The following TANC2 variants were observed in gnomAD, a reference collection of about 807,000 sequenced individuals.
The protein encoded by TANC2 is tetratricopeptide repeat, ankyrin repeat and coiled-coil containing 2.
A neutral mutation model predicts 210.5 loss-of-function variants in TANC2; 26 were observed. The ratio of observed to expected loss-of-function variants is 0.12; its 90% confidence interval spans 0.09 to 0.17. The LOEUF (loss-of-function observed/expected upper bound fraction) is 0.17, where lower values mean the gene tolerates loss of function less well. Ranked by LOEUF, TANC2 falls within the 10% of genes least tolerant of loss-of-function variation. The pLI is 1.00. For missense variants in TANC2, 2,129 were observed against 2,608.9 expected (o/e 0.82, Z 4.01); for synonymous variants, 931 against 967.1 (o/e 0.96, Z 0.69).
At chr17:63,055,965 CAAAAAAAAAAAAA>C (rs869063496) in intron 2 of TANC2, among the ~76,000 whole-genome samples, 38 of 52,594 alleles carry the variant, frequency 7.2e-4, no homozygotes, top group African/African-American at 1.5e-3. Flanking sequence ...TCATCTCTAC[CAAAAAAAAAAAAA>C]AAAAAAAAAA....
chr17:63,245,941 C>T (rs891184139), intron 8 of TANC2, among the ~76,000 whole-genome samples: 2 of 149,322 alleles, frequency 1.3e-5, no homozygotes, highest in African/African-American at 2.5e-5. Flanking sequence ...ACCTGGGAGG[C>T]GGAGGTTGCA....
At chr17:63,065,477 G>A (rs1246294896) in intron 2 of TANC2, among the ~76,000 whole-genome samples, 1 of 152,124 alleles carries the variant, frequency 6.6e-6, no homozygotes, top group Non-Finnish European at 1.5e-5. Context: ...AAATTTTTAA[G>A]GAACCTCCAT....
At chr17:63,300,881 T>G (rs1441985969) in intron 9 of TANC2, among the ~76,000 whole-genome samples, 4 of 152,220 alleles carry the variant, frequency 2.6e-5, no homozygotes, top group Non-Finnish European at 5.9e-5. Context: ...TGCTTCCAGC[T>G]TTTGCCCATT....
At chr17:63,108,588 G>C (rs978786554) in intron 4 of TANC2, among the ~76,000 whole-genome samples, 1 of 151,700 alleles carries the variant, frequency 6.6e-6, no homozygotes, top group Non-Finnish European at 1.5e-5. Flanking sequence ...GAGGCGGGCA[G>C]ATCAGAGGCC....
intron 7 of TANC2, among the ~76,000 whole-genome samples, chr17:63,215,019 T>G (rs965177166): frequency 6.6e-6 from 1 of 152,200 alleles, no homozygotes; most frequent in Non-Finnish European, 1.5e-5. Flanking sequence ...CATGTAGTCC[T>G]AGAGACCATA....
chr17:63,092,834 A>T (rs1261066938), intron 3 of TANC2, among the ~76,000 whole-genome samples: 3 of 152,144 alleles, frequency 2.0e-5, no homozygotes, highest in Admixed American at 2.0e-4. Flanking sequence ...TTACAGTTCA[A>T]CATGAGATAG....
At chr17:63,398,729 G>C in intron 18 of TANC2, 92 bp from the exon 19 acceptor site, 1 of 787,044 alleles carries the variant, frequency 1.3e-6, no homozygotes, top group East Asian at 2.8e-5. Flanking sequence ...AGTGATACTT[G>C]GATCATCCAA....
In TANC2 at chr17:63,358,958, C is replaced by T. The variant is rs141014951; in HGVS notation, c.2582+3568C>T. On this transcript the variant is annotated intron_variant, in intron 14 of 27. Transcript: ENST00000689528. ...TATCTAACTTTCCCTTCCATAGGAA[C>T]GGCTCTCAGATTAATATTTGTGTGT... 9.6e-4 allele frequency among the ~76,000 whole-genome samples: 137 copies of T among 142,426 alleles called. 1 individual carries two copies. The highest frequency in any genetic ancestry group is 1.6e-3 in the Non-Finnish European group (109 of 66,344). The allele number at this position is 142,426 out of a possible 152,430, so 93.4% of individuals were successfully genotyped here. A position where few individuals can be genotyped will look rare whatever the true frequency, so the allele number is the denominator to read the frequency against.
At chr17:63,340,460 A>AG (rs3833118) in intron 12 of TANC2, 128 bp downstream of exon 12, 248,084 of 729,964 alleles carry the variant, frequency 0.34, 50,897 homozygotes, top group African/African-American at 0.78. Flanking sequence ...GATATCCTGT[A>AG]GGATACAGTT....
At chr17:63,276,049 T>A (rs928088482) in intron 9 of TANC2, among the ~76,000 whole-genome samples, 1 of 152,160 alleles carries the variant, frequency 6.6e-6, no homozygotes, top group Non-Finnish European at 1.5e-5. Context: ...ATAAATTTAC[T>A]TAGATAAGAC....
chr17:63,258,540 T>C (rs1179297540), intron 8 of TANC2, among the ~76,000 whole-genome samples: 1 of 151,738 alleles, frequency 6.6e-6, no homozygotes, highest in Non-Finnish European at 1.5e-5. Flanking sequence ...ACTAGTGCAG[T>C]GGAGCGGGCA....
intron 2 of TANC2, among the ~76,000 whole-genome samples, chr17:63,019,609 G>A (rs1165026328): frequency 6.6e-6 from 1 of 152,108 alleles, no homozygotes; most frequent in Non-Finnish European, 1.5e-5. Flanking sequence ...ATTGAGTATA[G>A]GTGTGGTTTT....
At chr17:63,000,856 A>C (rs1050025153) in intron 1 of TANC2, among the ~76,000 whole-genome samples, 1 of 151,634 alleles carries the variant, frequency 6.6e-6, no homozygotes, top group African/African-American at 2.4e-5. Flanking sequence ...TCAGTTTTCT[A>C]TTGGTATGTT....
intron 12 of TANC2, among the ~76,000 whole-genome samples, chr17:63,346,108 A>G (rs1265880317): frequency 6.6e-6 from 1 of 152,198 alleles, no homozygotes; most frequent in Admixed American, 6.5e-5. Context: ...ACTTCACACT[A>G]TACACCAAAA....
chr17:63,136,826 C>T (rs1035592365), intron 4 of TANC2, among the ~76,000 whole-genome samples: 2 of 152,106 alleles, frequency 1.3e-5, no homozygotes, highest in African/African-American at 2.4e-5. Context: ...CTTTCTGACA[C>T]AAGGTATTCT....
chr17:63,060,532 A>G lies in TANC2; in HGVS notation c.68-13411A>G, dbSNP rs944567670. On this transcript the variant is annotated intron_variant, in intron 2 of 27. Transcript: ENST00000689528. ...GCTACTCAGGAGGCTGAGGCAGGAG[A>G]ATCACTTGCACCAGGAGGCAGAGGT... 9.2e-5 allele frequency among the ~76,000 whole-genome samples: 14 copies of G among 152,170 alleles called. 1 individual carries two copies. The highest frequency in any genetic ancestry group is 2.9e-4 in the African/African-American group (12 of 41,450).
intron 12 of TANC2, among the ~76,000 whole-genome samples, chr17:63,345,279 A>G (rs567181414): frequency 5.3e-5 from 8 of 152,342 alleles, no homozygotes; most frequent in Admixed American, 4.6e-4. Flanking sequence ...TATGTCATAA[A>G]TGAGGATTGG....
intron 11 of TANC2, among the ~76,000 whole-genome samples, chr17:63,323,331 C>T (rs1358843133): frequency 1.3e-5 from 2 of 152,172 alleles, no homozygotes; most frequent in Non-Finnish European, 2.9e-5. Context: ...TAACTGAGAA[C>T]ACTGGAGAGT....
At chr17:62,970,327 T>C (rs1249877532) in intron 1 of TANC2, among the ~76,000 whole-genome samples, 2 of 152,242 alleles carry the variant, frequency 1.3e-5, no homozygotes, top group Non-Finnish European at 2.9e-5. Context: ...GACTATGCTT[T>C]GTATTTGTAT....
Sources: gnomAD v4.1 joint callset for allele counts (sites outside exome capture counted in the v4.1 genomes callset) on GRCh38, gnomAD v4.1.1 for gene constraint, MANE v1.5 for transcripts, NCBI Gene and HGNC (gene_info 2026-07-23, HGNC 2026-07-21) for gene names.